The following DPF1 variants were observed in gnomAD, a reference collection of about 807,000 sequenced individuals.
DPF1 encodes the protein double PHD fingers 1.
DPF1 carries 14 observed loss-of-function variants against 58.7 expected under a neutral mutation model. The ratio of observed to expected loss-of-function variants is 0.24; its 90% CI spans 0.16 to 0.37. DPF1 has a LOEUF of 0.37. DPF1 is among the 10% of genes least tolerant of loss of function. The pLI is 1.00. For synonymous variants in DPF1, 216 were observed against 216.0 expected (o/e 1.00, Z 0.00); for missense variants, 345 against 529.9 (o/e 0.65, Z 3.43).
chr19:38,215,022 A>AC, intron 9 of DPF1, among the ~76,000 whole-genome samples: 1 of 150,940 alleles, frequency 6.6e-6, no homozygotes, highest in Admixed American at 6.6e-5. Flanking sequence ...TTTTATAGAG[A>AC]TGGGGTTTCA....
Position 38,217,445 on chromosome 19 carries a change from G to T in DPF1, c.727+15C>A. 1.5e-6 allele frequency: 2 copies of T among 1,356,850 alleles called. No homozygotes were observed. The highest frequency in any genetic ancestry group is 2.5e-5 in the South Asian group (2 of 79,944). The allele number at this position is 1,356,850 out of a possible 1,614,324, so 84.1% of individuals were successfully genotyped here. On this transcript the variant is annotated intron_variant, in intron 7 of 11. Transcript: ENST00000355526. ...CCAGGGCCCCTGGCCACCCCCACCT[G>T]GCCTGCCAGCTCACGTTTATGGTTG...
intron 9 of DPF1, among the ~76,000 whole-genome samples, chr19:38,215,437 G>A (rs1009811912): frequency 6.6e-6 from 1 of 152,044 alleles, no homozygotes; most frequent in Non-Finnish European, 1.5e-5. Flanking sequence ...AGGTTGCAGT[G>A]AGCCAAGATC....
intron 9 of DPF1, among the ~76,000 whole-genome samples, chr19:38,215,139 A>AT (rs1310669488): frequency 1.1e-3 from 157 of 144,394 alleles, no homozygotes; most frequent in African/African-American, 3.5e-3. Context: ...AGCCTGGCCT[A>AT]TTTTTTTTTT....
In DPF1 at chr19:38,213,720, G is replaced by C; in HGVS notation, c.935C>G (p.Thr312Arg). 6.2e-7 allele frequency: 1 copy of C among 1,613,928 alleles called. No homozygotes were observed. Among genetic ancestry groups the C allele is most frequent in the African/African-American group, 1.3e-5 (1 of 75,022 alleles). ...CCAGCGGTAGGTCCGCACGGCTGCCGTCATGTTCACCGTGAATTGTAAACA... is the reference window on the plus strand; with the variant it reads ...CCAGCGGTAGGTCCGCACGGCTGCCCTCATGTTCACCGTGAATTGTAAACA... ...PSCLQFTVNMTAAVRTYRWQC... is the reference protein window; with the variant it reads ...PSCLQFTVNMRAAVRTYRWQC... The change falls in exon 10 of 12, where the codon ACG (threonine) becomes AGG (arginine). Residue 312 changes from threonine (T) to arginine (R), a missense_variant. Coordinates refer to ENST00000355526, the MANE Select transcript of DPF1 (RefSeq NM_001135155.3).
At chr19:38,212,427 C>T in intron 10 of DPF1, 66 bp from the exon 11 acceptor site, 2 of 359,360 alleles carry the variant, frequency 5.6e-6, no homozygotes, top group South Asian at 3.4e-5. Flanking sequence ...GGGTGGGGGG[C>T]TGGGGCAGGG....
At chr19:38,213,550 G>A in intron 10 of DPF1, 94 bp downstream of exon 10, 1 of 1,063,778 alleles carries the variant, frequency 9.4e-7, no homozygotes, top group Non-Finnish European at 1.4e-6. Flanking sequence ...GTTCACCAGG[G>A]AAGGCTCAGG....
intron 7 of DPF1, 30 bp from the exon 8 acceptor site, chr19:38,216,433 C>G: frequency 6.4e-7 from 1 of 1,556,610 alleles, no homozygotes; most frequent in East Asian, 2.3e-5. Context: ...GAGAGGGACT[C>G]TCACCACAGG....
At chr19:38,221,973 C>T (rs549194234) in intron 3 of DPF1, among the ~76,000 whole-genome samples, 9 of 152,180 alleles carry the variant, frequency 5.9e-5, no homozygotes, top group South Asian at 4.1e-4. Context: ...CCCAGCTACT[C>T]GGAAGGCTGA....
intron 10 of DPF1, 104 bp downstream of exon 10, chr19:38,213,540 G>A: frequency 1.1e-6 from 1 of 950,692 alleles, no homozygotes; most frequent in South Asian, 1.4e-5. Flanking sequence ...GGGGACTGGT[G>A]TTCACCAGGG....
chr19:38,224,859 C>A (rs1033038937), upstream of DPF1, among the ~76,000 whole-genome samples: 26 of 152,222 alleles, frequency 1.7e-4, no homozygotes, highest in African/African-American at 6.3e-4. The surrounding 1 kb of genome is among the most constrained non-coding windows in gnomAD (Gnocchi z 4.5). Context: ...ATGACTTAAC[C>A]TTTCTGGGCC....
chr19:38,222,874 G>A lies in DPF1; in HGVS notation c.30-166C>T. On this transcript the variant is annotated intron_variant, in intron 1 of 11. Transcript: ENST00000355526. This position sits in a 1 kb window ranked among gnomAD's most constrained non-coding sequence, Gnocchi z 4.9. ...CACTCCGGGACCCAGGCTGGGGGAA[G>A]GGGACAGGGCCCAGGGGCCCCCAAA... is the stretch of plus-strand genomic sequence containing the variant. The A allele has an allele frequency of 9.4e-7, 1 of 1,067,368 alleles. No homozygotes were observed. The highest frequency in any genetic ancestry group is 1.3e-6 in the Non-Finnish European group (1 of 785,974). 66.1% of individuals were successfully genotyped at this position (1,067,368 alleles called of 1,614,324 possible).
intron 4 of DPF1, 34 bp from the exon 5 acceptor site, chr19:38,218,696 G>T: frequency 6.2e-7 from 1 of 1,611,546 alleles, no homozygotes; most frequent in Non-Finnish European, 8.5e-7. Context: ...GGTCAAGAAA[G>T]TGGGGGCCAC....
intron 1 of DPF1, 130 bp downstream of exon 1, chr19:38,223,984 C>G (rs1350918961): frequency 8.1e-7 from 1 of 1,235,174 alleles, no homozygotes; most frequent in Non-Finnish European, 1.0e-6. Flanking sequence ...ACTCTCGCAC[C>G]CCCGCGCAGC....
At chr19:38,218,905 C>A in intron 4 of DPF1, 26 bp downstream of exon 4, 1 of 1,612,698 alleles carries the variant, frequency 6.2e-7, no homozygotes, top group Non-Finnish European at 8.5e-7. Context: ...AGCCATGCAG[C>A]GGGGGTCCCC....
At chr19:38,212,242 A>G in intron 11 of DPF1, 38 bp downstream of exon 11, 3 of 431,204 alleles carry the variant, frequency 7.0e-6, no homozygotes, top group African/African-American at 4.3e-5. Context: ...TGGCGTTCCC[A>G]CCCACCCGCC....
At position 38,212,142 on chromosome 19, in the gene DPF1, G is replaced by A. The variant is rs778062087; in HGVS notation, c.1094-9C>T. 4 of 1,606,644 alleles carry A rather than the reference G, an allele frequency of 2.5e-6. No individual in the cohort carries two copies. Among genetic ancestry groups the A allele is most frequent in the Admixed American group, 3.4e-5 (2 of 59,008 alleles). On this transcript the variant is annotated splice_polypyrimidine_tract_variant and intron_variant, in intron 11 of 11. Coordinates refer to ENST00000355526, the MANE Select transcript of DPF1 (RefSeq NM_001135155.3). Reference sequence around the variant, plus strand: ...GTGACAGCTCCAGCTCCCTGCGGGGGCAGCCGAAGCTGAAGTCAGGCCCGG... The same window carrying A: ...GTGACAGCTCCAGCTCCCTGCGGGGACAGCCGAAGCTGAAGTCAGGCCCGG...
In DPF1 at chr19:38,222,924, T is replaced by G. The variant is rs1159939021; in HGVS notation, c.30-216A>C. 2 of 571,040 alleles carry G rather than the reference T, an allele frequency of 3.5e-6. No individual in the cohort carries two copies. The highest frequency in any genetic ancestry group is 3.3e-5 in the East Asian group (1 of 30,194). 35.4% of individuals were successfully genotyped at this position (571,040 alleles called of 1,614,324 possible). ...ACTGGGACTCAAACAGGCCCCCAGC[T>G]CATGAGTAGAAACACGATACAGAAA... On this transcript the variant is annotated intron_variant, in intron 1 of 11. Transcript: ENST00000355526. This position sits in a 1 kb window ranked among gnomAD's most constrained non-coding sequence, Gnocchi z 4.9.
chr19:38,219,128 G>C, intron 3 of DPF1, 70 bp from the exon 4 acceptor site: 2 of 1,585,886 alleles, frequency 1.3e-6, no homozygotes, highest in Non-Finnish European at 1.7e-6. Context: ...CTATGCAGGT[G>C]GGGGGACCAT....
Position 38,222,699 on chromosome 19 carries a change from C to A in DPF1, c.39G>T (p.Glu13Asp). The A allele has an allele frequency of 6.3e-7, 1 of 1,597,998 alleles. No individual in the cohort carries two copies. Among genetic ancestry groups the A allele is most frequent in the East Asian group, 2.3e-5 (1 of 43,764 alleles). Residue 13 changes from glutamate to aspartate, a missense_variant, in exon 2 of 12, where the codon GAG (glutamate) becomes GAT (aspartate). By Grantham distance (45) the Glu-to-Asp change is conservative. Transcript: ENST00000355526. The surrounding 1 kb of genome is among the most constrained non-coding windows in gnomAD (Gnocchi z 4.9). ...TVIPGPLSLG[E>D]DFYREAIEHC... Reference sequence around the variant, plus strand: ...GCTCGATGGCCTCGCGGTAGAAGTCCTCGCCTAGGCTAGAGGGGCGGCGAA... The same window carrying A: ...GCTCGATGGCCTCGCGGTAGAAGTCATCGCCTAGGCTAGAGGGGCGGCGAA...
Sources: allele counts gnomAD v4.1 joint callset (sites outside exome capture counted in the v4.1 genomes callset), GRCh38; gene constraint gnomAD v4.1.1; non-coding constraint Gnocchi (gnomAD v3.1); transcripts MANE v1.5; gene names NCBI Gene and HGNC (gene_info 2026-07-23, HGNC 2026-07-21).